The following JCAD variants were observed in gnomAD, a reference collection of about 807,000 sequenced individuals.
JCAD encodes the protein junctional cadherin 5 associated.
Under a neutral mutation model 98.0 loss-of-function variants are expected in JCAD, and 40 were observed. The observed-to-expected ratio is 0.41, with a 90% CI of 0.32 to 0.53. The LOEUF (loss-of-function observed/expected upper bound fraction) is 0.53. Among genes scored for constraint, JCAD ranks in the 20% least tolerant of loss-of-function variants. The pLI, the probability that JCAD is intolerant of heterozygous loss-of-function variation, is 0.31. For missense variants in JCAD, 1,705 were observed against 1,738.1 expected (o/e 0.98, Z 0.34); for synonymous variants, 691 against 682.3 (o/e 1.01, Z -0.20).
intron 1 of JCAD, among the ~76,000 whole-genome samples, chr10:30,054,205 A>G (rs1285404091): frequency 2.0e-5 from 3 of 152,240 alleles, no homozygotes. Context: ...CCTAGATTCA[A>G]TGTCATACCA....
At chr10:30,073,522 G>A (rs923045146) in intron 1 of JCAD, among the ~76,000 whole-genome samples, 1 of 152,140 alleles carries the variant, frequency 6.6e-6, no homozygotes, top group Non-Finnish European at 1.5e-5. Context: ...CTGAGAACAT[G>A]GAAGGATACT....
chr10:30,056,517 G>A (rs1415991197), intron 1 of JCAD, among the ~76,000 whole-genome samples: 1 of 150,932 alleles, frequency 6.6e-6, no homozygotes, highest in Non-Finnish European at 1.5e-5. Flanking sequence ...CAAGTTGCTT[G>A]CTTTTTTTTT....
At chr10:30,069,446 C>CAAAAAAAAAAA (rs35069678) in intron 2 of JCAD, among the ~76,000 whole-genome samples, 2 of 105,554 alleles carry the variant, frequency 1.9e-5, no homozygotes, top group African/African-American at 3.3e-5. Flanking sequence ...AGAAAATTTA[C>CAAAAAAAAAAA]AAAAAAAAAA....
chr10:30,051,284 G>GCACGCACACACA (rs1554798253), intron 1 of JCAD, among the ~76,000 whole-genome samples: 2 of 146,764 alleles, frequency 1.4e-5, no homozygotes, highest in African/African-American at 5.0e-5. Context: ...ACACACGCAC[G>GCACGCACACACA]CACACACACA....
intron 1 of JCAD, among the ~76,000 whole-genome samples, chr10:30,080,135 G>C (rs1838057127): frequency 6.6e-6 from 1 of 151,900 alleles, no homozygotes; most frequent in South Asian, 2.1e-4. Flanking sequence ...TAGTCAGTGA[G>C]TGAGGAAAAA....
chr10:30,112,832 A>G (rs886518173), intron 1 of JCAD, among the ~76,000 whole-genome samples: 1 of 149,298 alleles, frequency 6.7e-6, no homozygotes, highest in Non-Finnish European at 1.5e-5. Flanking sequence ...AGATTGTACC[A>G]CTGAACTCCA....
intron 2 of JCAD, among the ~76,000 whole-genome samples, chr10:30,035,525 C>A (rs571947273): frequency 6.6e-6 from 1 of 152,362 alleles, no homozygotes; most frequent in East Asian, 1.9e-4. Flanking sequence ...TGGTAGATTT[C>A]TCCTTCAGAC....
In JCAD at chr10:30,041,306, C is replaced by T. The variant is rs146172030; in HGVS notation, c.281+6226G>A. Among the ~76,000 whole-genome samples, 888 of 152,120 alleles carry T rather than the reference C, an allele frequency of 5.8e-3. 4 individuals carry two copies. Among genetic ancestry groups the T allele is most frequent in the African/African-American group, 0.02 (850 of 41,492 alleles). On this transcript the variant is annotated intron_variant, in intron 2 of 3. Transcript: ENST00000375377. ...CCCTCAAGAAAGAGAGGCTTTGCCT[C>T]GTAACAAGGTCAAAATACCAACAGC...
chr10:30,110,445 C>T (rs1455740798), intron 1 of JCAD, among the ~76,000 whole-genome samples: 1 of 151,894 alleles, frequency 6.6e-6, no homozygotes, highest in Non-Finnish European at 1.5e-5. Flanking sequence ...GTGTATGGAC[C>T]CCTGATGTAT....
At chr10:30,059,738 T>A (rs1351518401), upstream of JCAD, among the ~76,000 whole-genome samples, 3 of 152,032 alleles carry the variant, frequency 2.0e-5, no homozygotes, top group Non-Finnish European at 4.4e-5. This position sits in a 1 kb window ranked among gnomAD's most constrained non-coding sequence, Gnocchi z 5.0. Context: ...ACAAGTGAGC[T>A]GACCACCATT....
intron 1 of JCAD, among the ~76,000 whole-genome samples, chr10:30,080,548 A>T (rs1272907503): frequency 1.3e-5 from 2 of 152,224 alleles, no homozygotes; most frequent in Non-Finnish European, 2.9e-5. Context: ...TTCGATCATG[A>T]CATTTCTCCA....
intron 2 of JCAD, among the ~76,000 whole-genome samples, chr10:30,043,816 G>T (rs147661933): frequency 1.3e-5 from 2 of 152,358 alleles, no homozygotes; most frequent in Admixed American, 6.5e-5. Flanking sequence ...GGCAGCCCGG[G>T]GGGTGGGGAA....
In JCAD at chr10:30,026,246, C is replaced by G; in HGVS notation, c.3902G>C (p.Gly1301Ala). 6.2e-7 allele frequency: 1 copy of G among 1,613,976 alleles called. No individual in the cohort carries two copies. Among genetic ancestry groups the G allele is most frequent in the Non-Finnish European group, 8.5e-7 (1 of 1,180,038 alleles). The change falls in exon 3 of 4, where the codon GGC (glycine) becomes GCC (alanine). Residue 1301 changes from glycine (G) to alanine (A), a missense_variant. Transcript: ENST00000375377. ...GTCCCCACTGCCAGGAGACACAAGG[C>G]CTCCCGGGAGCCCGGCCTGGCCCCT... ...TTRGQAGLPG[G>A]LVSPGSGDRA... is the part of the protein sequence containing the mutation.
At chr10:30,092,098 TTATATA>T (rs1554802538) in intron 1 of JCAD, among the ~76,000 whole-genome samples, 1 of 44,598 alleles carries the variant, frequency 2.2e-5, no homozygotes, top group Non-Finnish European at 3.5e-5. Flanking sequence ...TAAAGTTACT[TTATATA>T]TATATATATA....
rs60380450 is a variant in JCAD, at chr10:30,073,647, G to GTCCTTCCTTCCTTCCTTCCTTCCT, written n.129-3850_129-3827dup. ...TTACAATGGACAGGATAGCAAGATT[G>GTCCTTCCTTCCTTCCTTCCTTCCT]TCCTTCCTTCCTTCCTTCCTTCCTT... On this transcript the variant is annotated intron_variant and non_coding_transcript_variant, in intron 1 of 2. Transcript: ENST00000465712. 5.8e-4 allele frequency among the ~76,000 whole-genome samples: 81 copies of GTCCTTCCTTCCTTCCTTCCTTCCT among 138,574 alleles called. 1 individual carries two copies. Among genetic ancestry groups the GTCCTTCCTTCCTTCCTTCCTTCCT allele is most frequent in the South Asian group, 5.1e-3 (22 of 4,282 alleles). The allele number at this position is 138,574 out of a possible 152,430, so 90.9% of individuals were successfully genotyped here. A position where few individuals can be genotyped will look rare whatever the true frequency, so the allele number is the denominator to read the frequency against.
chr10:30,044,743 T>C, intron 2 of JCAD: 5 of 954,768 alleles, frequency 5.2e-6, no homozygotes, highest in Non-Finnish European at 6.2e-6. Flanking sequence ...CCCAAAGCAC[T>C]TTGTTTCTGA....
chr10:30,071,415 C>A (rs939693550), intron 1 of JCAD, among the ~76,000 whole-genome samples: 4 of 152,148 alleles, frequency 2.6e-5, no homozygotes, highest in African/African-American at 9.7e-5. Flanking sequence ...GGACAAAAAT[C>A]TTCTAATGTT....
chr10:30,020,281 C>T (rs1027656151), intron 3 of JCAD, among the ~76,000 whole-genome samples: 1 of 143,314 alleles, frequency 7.0e-6, no homozygotes, highest in Non-Finnish European at 1.5e-5. Context: ...GAGCTGAGAT[C>T]GCACCACTGC....
At chr10:30,040,050 G>A (rs1173666195) in intron 2 of JCAD, among the ~76,000 whole-genome samples, 2 of 152,166 alleles carry the variant, frequency 1.3e-5, no homozygotes, top group African/African-American at 2.4e-5. Context: ...TTGCTTGATC[G>A]CCTGGGGAAG....
Sources: allele counts gnomAD v4.1 joint callset (sites outside exome capture counted in the v4.1 genomes callset), GRCh38; gene constraint gnomAD v4.1.1; non-coding constraint Gnocchi (gnomAD v3.1); transcripts MANE v1.5; gene names NCBI Gene and HGNC (gene_info 2026-07-23, HGNC 2026-07-21).